The following ST8SIA6 variants were observed in gnomAD, a reference collection of about 807,000 sequenced individuals.
ST8SIA6 encodes the protein alpha-2,8-sialyltransferase 8F.
A neutral mutation model predicts 33.6 loss-of-function variants in ST8SIA6; 39 were observed. The ratio of observed to expected loss-of-function variants is 1.16; its 90% confidence interval spans 0.90 to 1.52. The LOEUF (loss-of-function observed/expected upper bound fraction) is 1.52, where lower values mean the gene tolerates loss of function less well. ST8SIA6 is among the 40% of genes most tolerant of loss of function. The probability of loss-of-function intolerance (pLI) is 0.00; values close to 1 mark genes in which losing one functional copy is unlikely to be tolerated. For synonymous variants in ST8SIA6, 172 were observed against 167.2 expected, an observed-to-expected ratio of 1.03 and a Z score of -0.22; for missense variants, 441 against 443.8, an observed-to-expected ratio of 0.99 and a Z score of 0.06.
At chr10:17,323,239 A>ACACACG in intron 6 of ST8SIA6, 82 bp from the exon 7 acceptor site, 1 of 786,486 alleles carries the variant, frequency 1.3e-6, no homozygotes, top group Admixed American at 2.1e-5. Context: ...GCACACACAC[A>ACACACG]CACACACACA....
rs1847742020 is a variant in ST8SIA6, at chr10:17,315,512, CA to C, written c.*5365del. Among the ~76,000 whole-genome samples, 1 of 151,908 alleles carries C rather than the reference CA, an allele frequency of 6.6e-6. No homozygotes were observed. The highest frequency in any genetic ancestry group is 1.5e-5 in the Non-Finnish European group (1 of 67,866). On this transcript the variant is annotated 3_prime_UTR_variant, in exon 8 of 8. Transcript: ENST00000377602. ...ATGAGCAGATAAGCCAACTGTGGTC[CA>C]TCCATATAACATAATTCTACTCAGT...
chr10:17,419,929 CTTTCCT>C, intron 2 of ST8SIA6, among the ~76,000 whole-genome samples: 1 of 152,308 alleles, frequency 6.6e-6, no homozygotes, highest in African/African-American at 2.4e-5. Flanking sequence ...TTGAAAGATG[CTTTCCT>C]ATTTTTTCTT....
intron 4 of ST8SIA6, among the ~76,000 whole-genome samples, chr10:17,355,008 A>G (rs905716257): frequency 3.3e-5 from 5 of 152,194 alleles, no homozygotes; most frequent in Non-Finnish European, 5.9e-5. Context: ...TAAGTGCTGA[A>G]TGAGTAAAAG....
chr10:17,397,639 T>C (rs1005225660), intron 2 of ST8SIA6, among the ~76,000 whole-genome samples: 1 of 152,200 alleles, frequency 6.6e-6, no homozygotes, highest in African/African-American at 2.4e-5. Context: ...TGCAAAGCCA[T>C]CCACCACCTG....
intron 2 of ST8SIA6, among the ~76,000 whole-genome samples, chr10:17,411,031 G>A (rs1191421351): frequency 6.6e-6 from 1 of 152,032 alleles, no homozygotes; most frequent in Non-Finnish European, 1.5e-5. Flanking sequence ...ATTTCAACAA[G>A]GAAACACACA....
chr10:17,446,317 G>A (rs934499376), intron 2 of ST8SIA6, among the ~76,000 whole-genome samples: 5 of 152,130 alleles, frequency 3.3e-5, no homozygotes, highest in African/African-American at 1.2e-4. Flanking sequence ...TCATACTTTT[G>A]AAAAACAGTT....
chr10:17,349,656 C>G (rs918622312), intron 4 of ST8SIA6, among the ~76,000 whole-genome samples: 24 of 152,148 alleles, frequency 1.6e-4, no homozygotes, highest in African/African-American at 5.3e-4. Flanking sequence ...CTAGTAGTAA[C>G]TTATTCACTT....
chr10:17,430,536 C>T (rs1852071087), intron 2 of ST8SIA6, among the ~76,000 whole-genome samples: 2 of 152,158 alleles, frequency 1.3e-5, no homozygotes, highest in South Asian at 2.1e-4. Flanking sequence ...TCCCCATCCT[C>T]GCCAACATCT....
intron 2 of ST8SIA6, among the ~76,000 whole-genome samples, chr10:17,401,322 GA>G (rs1243569597): frequency 2.6e-5 from 4 of 152,164 alleles, no homozygotes; most frequent in African/African-American, 9.7e-5. Context: ...TCATGGATAG[GA>G]AGAATCAATA....
chr10:17,451,648 C>G (rs1487492015), intron 2 of ST8SIA6, among the ~76,000 whole-genome samples: 2 of 152,182 alleles, frequency 1.3e-5, no homozygotes, highest in Non-Finnish European at 2.9e-5. Context: ...ACTGTTGGCT[C>G]TCCTTATTCC....
intron 4 of ST8SIA6, among the ~76,000 whole-genome samples, chr10:17,335,960 A>AT (rs34682275): frequency 3.3e-3 from 492 of 147,104 alleles, no homozygotes; most frequent in Non-Finnish European, 5.8e-3. Context: ...TTTTTGCTGA[A>AT]TTTTTTTTTT....
intron 3 of ST8SIA6, among the ~76,000 whole-genome samples, chr10:17,377,481 C>T (rs1849957162): frequency 1.3e-5 from 2 of 152,298 alleles, no homozygotes; most frequent in African/African-American, 4.8e-5. Flanking sequence ...ATTAATTGAG[C>T]AACTGCTATG....
chr10:17,326,537 T>C (rs1848133770), intron 6 of ST8SIA6, among the ~76,000 whole-genome samples: 1 of 152,192 alleles, frequency 6.6e-6, no homozygotes, highest in African/African-American at 2.4e-5. Context: ...GAAAACGAAA[T>C]AATGATACAG....
chr10:17,387,966 T>C (rs955913941), intron 3 of ST8SIA6, among the ~76,000 whole-genome samples: 2 of 152,214 alleles, frequency 1.3e-5, no homozygotes, highest in Non-Finnish European at 2.9e-5. Context: ...ATTTTCTGTG[T>C]CGACCTGACT....
intron 2 of ST8SIA6, among the ~76,000 whole-genome samples, chr10:17,408,561 G>A (rs576957667): frequency 3.2e-4 from 49 of 151,996 alleles, no homozygotes; most frequent in South Asian, 8.3e-4. Context: ...TTGGGAGACT[G>A]AGAGAGGAGA....
intron 2 of ST8SIA6, among the ~76,000 whole-genome samples, chr10:17,439,549 G>A (rs1852398393): frequency 6.6e-6 from 1 of 152,200 alleles, no homozygotes; most frequent in South Asian, 2.1e-4. Flanking sequence ...GCAAAGTGCT[G>A]GGATTACAGG....
intron 2 of ST8SIA6, among the ~76,000 whole-genome samples, chr10:17,410,987 C>A (rs932774476): frequency 6.6e-6 from 1 of 152,118 alleles, no homozygotes; most frequent in Non-Finnish European, 1.5e-5. Context: ...AGGGACCTAT[C>A]AATCACAAAA....
chr10:17,415,365 G>A (rs936132186), intron 2 of ST8SIA6, among the ~76,000 whole-genome samples: 2 of 152,064 alleles, frequency 1.3e-5, no homozygotes, highest in Non-Finnish European at 2.9e-5. Flanking sequence ...ATTGTCAATC[G>A]CTTCCCCAGG....
In ST8SIA6 at chr10:17,442,384, T is replaced by C. The variant is rs532307890; in HGVS notation, c.200+11175A>G. 2.6e-5 allele frequency among the ~76,000 whole-genome samples: 4 copies of C among 152,364 alleles called. No homozygotes were observed. In the East Asian group the frequency reaches 5.8e-4, roughly 22 times the overall value. ...AATCAAAAAATTTATGTGAACACTT[T>C]TTAGCTTAGAATGTGCCATTTTTCT... is the stretch of plus-strand genomic sequence containing the variant. On this transcript the variant is annotated intron_variant, in intron 2 of 7. Coordinates refer to ENST00000377602, the MANE Select transcript of ST8SIA6 (RefSeq NM_001004470.3).
Sources: gnomAD v4.1 joint callset for allele counts (sites outside exome capture counted in the v4.1 genomes callset) on GRCh38, gnomAD v4.1.1 for gene constraint, MANE v1.5 for transcripts, NCBI Gene and HGNC (gene_info 2026-07-23, HGNC 2026-07-21) for gene names.